The following EYS variants were observed in gnomAD, a reference collection of about 807,000 sequenced individuals.
The protein encoded by EYS is protein eyes shut homolog.
In EYS, 250 loss-of-function variants were observed where a neutral mutation model predicts 282.1. That is an observed-to-expected ratio of 0.89 (90% CI 0.80 to 0.98). The LOEUF (loss-of-function observed/expected upper bound fraction) is 0.98. EYS is among the 50% of genes least tolerant of loss of function. The probability of loss-of-function intolerance (pLI) is 0.00; values close to 1 mark genes in which losing one functional copy is unlikely to be tolerated. For missense variants in EYS, 4,016 were observed against 3,709.0 expected (o/e 1.08, Z -2.15); for synonymous variants, 1,355 against 1,282.9 (o/e 1.06, Z -1.20).
At chr6:65,502,032 ATATAAG>A (rs1289859653) in intron 2 of EYS, among the ~76,000 whole-genome samples, 5 of 151,794 alleles carry the variant, frequency 3.3e-5, no homozygotes, top group Non-Finnish European at 7.4e-5. Flanking sequence ...TTTTTAAAAA[ATATAAG>A]TATAACTTAT....
intron 5 of EYS, among the ~76,000 whole-genome samples, chr6:65,437,570 A>C (rs115522386): frequency 0.035 from 5,279 of 152,260 alleles, 140 homozygotes; most frequent in Non-Finnish European, 0.054. Flanking sequence ...TTACCCACAT[A>C]ATAACATATG....
intron 5 of EYS, among the ~76,000 whole-genome samples, chr6:65,427,037 C>A (rs2150381051): frequency 6.6e-6 from 1 of 151,924 alleles, no homozygotes; most frequent in East Asian, 1.9e-4. Context: ...GAAATATTTC[C>A]CATAGCGAAG....
chr6:64,020,419 T>G (rs185203001), intron 33 of EYS, among the ~76,000 whole-genome samples: 89 of 152,308 alleles, frequency 5.8e-4, no homozygotes, highest in Non-Finnish European at 7.4e-4. Context: ...CATACACATT[T>G]GTTTACTTAA....
At chr6:65,371,708 CCT>C (rs140879689) in intron 8 of EYS, among the ~76,000 whole-genome samples, 3,292 of 118,702 alleles carry the variant, frequency 0.028, 91 homozygotes, top group African/African-American at 0.061. Flanking sequence ...TCTCTCTCTC[CCT>C]CTCTCTCTCT....
intron 22 of EYS, among the ~76,000 whole-genome samples, chr6:64,696,479 C>T (rs1183578019): frequency 6.6e-6 from 1 of 152,098 alleles, no homozygotes; most frequent in Non-Finnish European, 1.5e-5. Flanking sequence ...GAGATTTAGA[C>T]ATCCAGATAC....
intron 22 of EYS, among the ~76,000 whole-genome samples, chr6:64,799,917 C>T (rs1325522160): frequency 6.6e-6 from 1 of 151,796 alleles, no homozygotes; most frequent in Non-Finnish European, 1.5e-5. Context: ...CTCTGACTGT[C>T]TTTCTTTGTC....
At chr6:65,179,314 C>G (rs936125570) in intron 12 of EYS, among the ~76,000 whole-genome samples, 1 of 151,812 alleles carries the variant, frequency 6.6e-6, no homozygotes, top group Non-Finnish European at 1.5e-5. Context: ...TGATAGACCT[C>G]TAGCAAGACT....
intron 12 of EYS, among the ~76,000 whole-genome samples, chr6:65,135,900 G>T (rs1332439801): frequency 6.6e-6 from 1 of 151,944 alleles, no homozygotes; most frequent in Non-Finnish European, 1.5e-5. Flanking sequence ...TGGAAATTGT[G>T]GGCCAAGAGA....
In EYS at chr6:65,408,624, T is replaced by C. The variant is rs553855908; in HGVS notation, c.863-3257A>G. On this transcript the variant is annotated intron_variant, in intron 5 of 42. Coordinates refer to ENST00000503581, the MANE Select transcript of EYS (RefSeq NM_001142800.2). ...TGTGTCTTTCCTTGTATTTTTTCCTTGTTCATTCCGACTAAAGATTTGTCC... is the reference window on the plus strand; with the variant it reads ...TGTGTCTTTCCTTGTATTTTTTCCTCGTTCATTCCGACTAAAGATTTGTCC... 2.0e-5 allele frequency among the ~76,000 whole-genome samples: 3 copies of C among 152,252 alleles called. No homozygotes were observed. The East Asian group carries it at 5.8e-4, about 29-fold the overall frequency.
chr6:64,217,304 G>A (rs557047252), intron 31 of EYS, among the ~76,000 whole-genome samples: 1 of 152,130 alleles, frequency 6.6e-6, no homozygotes, highest in South Asian at 2.1e-4. Context: ...CAAGACAGGC[G>A]GATCACCTGA....
At position 65,352,393 on chromosome 6, in the gene EYS, C is replaced by A. The variant is rs541744863; in HGVS notation, c.1459+1065G>T. Among the ~76,000 whole-genome samples, 3 of 151,826 alleles carry A rather than the reference C, an allele frequency of 2.0e-5. No homozygotes were observed. In the East Asian group the frequency reaches 5.8e-4, roughly 29 times the overall value. ...ATATTCTTTAAAAGAATGAAAATAC[C>A]ATATAGTCTTAAGAATGTAAATCAA... On this transcript the variant is annotated intron_variant, in intron 9 of 42. Coordinates refer to ENST00000503581, the MANE Select transcript of EYS (RefSeq NM_001142800.2).
chr6:65,106,445 C>A (rs960235782), intron 12 of EYS, among the ~76,000 whole-genome samples: 1 of 151,900 alleles, frequency 6.6e-6, no homozygotes, highest in Admixed American at 6.6e-5. Flanking sequence ...TTATATTTGC[C>A]TCTCAAAATA....
intron 37 of EYS, 98 bp downstream of exon 37, chr6:63,806,092 G>T: frequency 9.4e-7 from 1 of 1,060,652 alleles, no homozygotes; most frequent in Non-Finnish European, 1.3e-6. Context: ...CTAGGCAAAG[G>T]TCTTTTTTTT....
chr6:64,471,222 T>C (rs775631917), intron 26 of EYS, among the ~76,000 whole-genome samples: 1 of 152,098 alleles, frequency 6.6e-6, no homozygotes, highest in Non-Finnish European at 1.5e-5. Flanking sequence ...TTATTTAACA[T>C]AGCATTGGAA....
At chr6:63,725,254 CAG>C (rs1768569016) in intron 42 of EYS, among the ~76,000 whole-genome samples, 1 of 152,016 alleles carries the variant, frequency 6.6e-6, no homozygotes, top group African/African-American at 2.4e-5. Flanking sequence ...CATTGAATAA[CAG>C]ATGTAAGAAG....
intron 1 of EYS, among the ~76,000 whole-genome samples, chr6:65,664,370 G>GA (rs113441530): frequency 0.017 from 2,629 of 152,144 alleles, 84 homozygotes; most frequent in African/African-American, 0.061. Context: ...AGGGAGTAAA[G>GA]AAAAGAAGAA....
intron 33 of EYS, among the ~76,000 whole-genome samples, chr6:64,015,057 C>T (rs1013794562): frequency 6.6e-6 from 1 of 151,982 alleles, no homozygotes; most frequent in African/African-American, 2.4e-5. Flanking sequence ...TTCTTTAAGT[C>T]AATTTCTTAT....
intron 31 of EYS, among the ~76,000 whole-genome samples, chr6:64,131,962 A>AT (rs1226349125): frequency 6.6e-6 from 1 of 152,086 alleles, no homozygotes; most frequent in African/African-American, 2.4e-5. Context: ...CCTTCATTTA[A>AT]TTTTTTTCTT....
At chr6:65,126,532 C>T (rs1045856767) in intron 12 of EYS, among the ~76,000 whole-genome samples, 2 of 152,118 alleles carry the variant, frequency 1.3e-5, no homozygotes, top group African/African-American at 2.4e-5. Flanking sequence ...ACCTGCCTGA[C>T]CACATCAGCA....
Sources: allele counts gnomAD v4.1 joint callset (sites outside exome capture counted in the v4.1 genomes callset), GRCh38; gene constraint gnomAD v4.1.1; transcripts MANE v1.5; gene names NCBI Gene and HGNC (gene_info 2026-07-23, HGNC 2026-07-21).